RAPGEF2: variants seen among roughly 807,000 people sequenced by gnomAD.
The protein encoded by RAPGEF2 is PDZ domain containing guanine nucleotide exchange factor (GEF) 1.
RAPGEF2 carries 54 observed loss-of-function variants against 186.7 expected under a neutral mutation model. The observed-to-expected ratio is 0.29, with a 90% CI of 0.23 to 0.36. The LOEUF is 0.36. Ranked by LOEUF, RAPGEF2 falls within the 10% of genes least tolerant of loss-of-function variation. RAPGEF2 has a pLI of 1.00. For synonymous variants in RAPGEF2, 712 were observed against 705.9 expected (o/e 1.01, Z -0.14); for missense variants, 1,532 against 2,045.0 (o/e 0.75, Z 4.84).
intron 7 of RAPGEF2, among the ~76,000 whole-genome samples, chr4:159,254,729 G>A (rs778337158): frequency 1.3e-5 from 2 of 151,206 alleles, no homozygotes; most frequent in South Asian, 2.1e-4. Context: ...CCATCTCAGC[G>A]TCCCAAGTAG....
chr4:159,189,874 G>A (rs1004589069), intron 2 of RAPGEF2, among the ~76,000 whole-genome samples: 7 of 152,198 alleles, frequency 4.6e-5, no homozygotes, highest in Admixed American at 4.6e-4. Context: ...TGATATTGAT[G>A]TAGGCTCTGG....
chr4:159,179,466 T>G (rs1400938598), intron 1 of RAPGEF2, among the ~76,000 whole-genome samples: 1 of 152,234 alleles, frequency 6.6e-6, no homozygotes, highest in Admixed American at 6.5e-5. Flanking sequence ...GCCATACATT[T>G]CTTTGTGCAT....
intron 1 of RAPGEF2, among the ~76,000 whole-genome samples, chr4:159,112,704 A>G (rs1738628642): frequency 6.6e-6 from 1 of 152,208 alleles, no homozygotes; most frequent in South Asian, 2.1e-4. Context: ...CAGCAGGTAA[A>G]CACCATAGTA....
At chr4:159,186,881 T>C (rs542349723) in intron 2 of RAPGEF2, among the ~76,000 whole-genome samples, 169 bp downstream of exon 2, 1 of 152,296 alleles carries the variant, frequency 6.6e-6, no homozygotes, top group Non-Finnish European at 1.5e-5. Flanking sequence ...TGTGATCAAA[T>C]GGGGATTATT....
At chr4:159,329,313 C>T (rs1288430190) in intron 11 of RAPGEF2, 1 of 152,122 alleles carries the variant, frequency 6.6e-6, no homozygotes, top group African/African-American at 2.4e-5. Flanking sequence ...ATGTTTTGAG[C>T]TATAACACAT....
At chr4:159,329,757 G>GA in intron 11 of RAPGEF2, 101 bp from the exon 12 acceptor site, 1 of 957,160 alleles carries the variant, frequency 1.0e-6, no homozygotes. Flanking sequence ...GAAAGACAGG[G>GA]AAAAATGTCA....
chr4:159,182,403 T>A lies in RAPGEF2; in HGVS notation c.70-4239T>A, dbSNP rs867502784. Among the ~76,000 whole-genome samples the A allele has an allele frequency of 3.9e-3, 565 of 143,054 alleles. 5 individuals carry two copies. The highest frequency in any genetic ancestry group is 0.014 in the African/African-American group (533 of 38,706). 93.8% of individuals were successfully genotyped at this position (143,054 alleles called of 152,430 possible). ...CTTTTCTTCTTTTTTTTTTTTTTTT[T>A]TTTTTTTTTTGATACAGAGTCTCAC... On this transcript the variant is annotated intron_variant, in intron 1 of 29. Coordinates refer to ENST00000691494, the MANE Select transcript of RAPGEF2 (RefSeq NM_001394067.2).
At chr4:159,283,721 T>C (rs549051459) in intron 7 of RAPGEF2, among the ~76,000 whole-genome samples, 1 of 152,176 alleles carries the variant, frequency 6.6e-6, no homozygotes, top group Non-Finnish European at 1.5e-5. Flanking sequence ...GATATTTTTA[T>C]AGTATGAAAA....
chr4:159,131,525 T>TTTTTTTTTTTTTTTTTTTTTTTTTTTTTG (rs1741098276), intron 1 of RAPGEF2, among the ~76,000 whole-genome samples: 1 of 148,202 alleles, frequency 6.7e-6, no homozygotes. Context: ...TGCTATTTTT[T>TTTTTTTTTTTTTTTTTTTTTTTTTTTTTG]TTTTTTTTTT....
intron 1 of RAPGEF2, 74 bp from the exon 2 acceptor site, chr4:159,186,568 G>C: frequency 2.9e-6 from 2 of 693,958 alleles, no homozygotes; most frequent in South Asian, 2.2e-5. Context: ...TTGGTTTGTA[G>C]ATACAGTGTG....
At chr4:159,280,037 C>A (rs748968609) in intron 7 of RAPGEF2, among the ~76,000 whole-genome samples, 1 of 152,100 alleles carries the variant, frequency 6.6e-6, no homozygotes, top group Non-Finnish European at 1.5e-5. Flanking sequence ...GGTCACCATG[C>A]TTATCTGAAA....
At chr4:159,120,240 G>A (rs945333275) in intron 1 of RAPGEF2, among the ~76,000 whole-genome samples, 1 of 152,100 alleles carries the variant, frequency 6.6e-6, no homozygotes. Context: ...GGCTGGTCTT[G>A]AACTCCTGGC....
chr4:159,199,862 T>TTTTA lies in RAPGEF2; in HGVS notation c.197+6607_197+6608insTTAT, dbSNP rs566278785. ...AGGTGACTCCAGGTGAGAAACAGGT[T>TTTTA]TCTTGTGAAGATAAAATTGCAGCAT... On this transcript the variant is annotated intron_variant, in intron 3 of 29. Coordinates refer to ENST00000691494, the MANE Select transcript of RAPGEF2 (RefSeq NM_001394067.2). Among the ~76,000 whole-genome samples, 736 of 152,318 alleles carry TTTTA rather than the reference T, an allele frequency of 4.8e-3. 2 individuals carry two copies. The highest frequency in any genetic ancestry group is 0.017 in the African/African-American group (690 of 41,570).
intron 1 of RAPGEF2, among the ~76,000 whole-genome samples, chr4:159,112,437 C>T (rs537378790): frequency 4.0e-5 from 6 of 151,684 alleles, no homozygotes; most frequent in Non-Finnish European, 7.4e-5. Context: ...TATTCTCCAA[C>T]TGAAATTTAA....
chr4:159,330,284 T>TGC (rs762221426), intron 12 of RAPGEF2, 50 bp from the exon 13 acceptor site: 1 of 900,668 alleles, frequency 1.1e-6, no homozygotes. Flanking sequence ...TGTGTGTGTG[T>TGC]GTGTGTGTGT....
At chr4:159,288,712 A>G (rs1383165965) in intron 7 of RAPGEF2, among the ~76,000 whole-genome samples, 1 of 152,164 alleles carries the variant, frequency 6.6e-6, no homozygotes, top group Non-Finnish European at 1.5e-5. Context: ...CTTCCAGTGC[A>G]TGAACTCCTC....
intron 29 of RAPGEF2, among the ~76,000 whole-genome samples, chr4:159,357,695 T>C (rs1732230468): frequency 6.6e-6 from 1 of 152,132 alleles, no homozygotes; most frequent in African/African-American, 2.4e-5. Flanking sequence ...TTAAATTAAA[T>C]AAATAGAAAA....
chr4:159,305,059 T>A (rs1763116632), intron 8 of RAPGEF2, among the ~76,000 whole-genome samples: 1 of 152,214 alleles, frequency 6.6e-6, no homozygotes, highest in Admixed American at 6.5e-5. Flanking sequence ...ATATATGTAC[T>A]GTACTTTATT....
intron 4 of RAPGEF2, among the ~76,000 whole-genome samples, chr4:159,237,261 T>C (rs1314236612): frequency 6.6e-6 from 1 of 152,152 alleles, no homozygotes; most frequent in East Asian, 1.9e-4. Context: ...GCTCAAGTGA[T>C]CAGCCCTCCT....
Sources: allele counts gnomAD v4.1 joint callset (sites outside exome capture counted in the v4.1 genomes callset), GRCh38; gene constraint gnomAD v4.1.1; transcripts MANE v1.5; gene names NCBI Gene and HGNC (gene_info 2026-07-23, HGNC 2026-07-21).